CCDC88C: variants seen among roughly 807,000 people sequenced by gnomAD.
CCDC88C encodes coiled-coil and HOOK domain protein 88C, also known as protein Daple.
CCDC88C carries 131 observed loss-of-function variants against 198.8 expected under a neutral mutation model. That is an observed-to-expected ratio of 0.66 (90% CI 0.57 to 0.76). The LOEUF is 0.76. Among genes scored for constraint, CCDC88C ranks in the 30% least tolerant of loss-of-function variants. The pLI, the probability that CCDC88C is intolerant of heterozygous loss-of-function variation, is 0.00. For synonymous variants in CCDC88C, 1,166 were observed against 1,114.7 expected (o/e 1.05, Z -0.92); for missense variants, 2,553 against 2,631.6 (o/e 0.97, Z 0.65).
At chr14:91,304,314 G>A (rs1445648082) in intron 19 of CCDC88C, among the ~76,000 whole-genome samples, 1 of 152,180 alleles carries the variant, frequency 6.6e-6, no homozygotes, top group Non-Finnish European at 1.5e-5. Context: ...TGACTGTGGT[G>A]GCTCAGGCTT....
At chr14:91,275,546 C>T (rs1053943338) in intron 29 of CCDC88C, among the ~76,000 whole-genome samples, 12 of 151,358 alleles carry the variant, frequency 7.9e-5, no homozygotes, top group Admixed American at 2.0e-4. Flanking sequence ...GGCACAATCT[C>T]GGTTCACTGC....
chr14:91,326,291 G>A (rs545956422), intron 10 of CCDC88C, among the ~76,000 whole-genome samples: 1 of 152,072 alleles, frequency 6.6e-6, no homozygotes, highest in African/African-American at 2.4e-5. Flanking sequence ...TCAGCTCACT[G>A]CAACCTCCAC....
chr14:91,360,887 A>C (rs1894276332), intron 3 of CCDC88C, among the ~76,000 whole-genome samples: 1 of 152,142 alleles, frequency 6.6e-6, no homozygotes, highest in Admixed American at 6.5e-5. Context: ...CACGGTGGAC[A>C]CGCTTGTAAT....
chr14:91,334,135 T>C (rs974916044), intron 10 of CCDC88C, among the ~76,000 whole-genome samples: 1 of 152,242 alleles, frequency 6.6e-6, no homozygotes, highest in Non-Finnish European at 1.5e-5. Context: ...TATCCATCAA[T>C]CTATCCATCT....
intron 10 of CCDC88C, among the ~76,000 whole-genome samples, chr14:91,327,908 C>T (rs1892645579): frequency 6.6e-6 from 1 of 152,218 alleles, no homozygotes. Context: ...CTGGAGTTGT[C>T]CCCTAGGAGA....
In CCDC88C at chr14:91,297,294, G is replaced by A. The variant is rs549709999; in HGVS notation, c.3966+11C>T. On this transcript the variant is annotated intron_variant, in intron 22 of 29. Coordinates refer to ENST00000389857, the MANE Select transcript of CCDC88C (RefSeq NM_001080414.4). Reference sequence around the variant, plus strand: ...CCCTGTCTCCCGAGGCTCCCCTGGCGCTGGCCTCACCTCACAGTGGTTGTC... The same window carrying A: ...CCCTGTCTCCCGAGGCTCCCCTGGCACTGGCCTCACCTCACAGTGGTTGTC... The A allele has an allele frequency of 9.1e-5, 147 of 1,610,896 alleles. 2 individuals carry two copies. The South Asian group carries it at 1.5e-3, about 16-fold the overall frequency.
chr14:91,273,873 A>C lies in CCDC88C; in HGVS notation c.5059-220T>G, dbSNP rs1312544789. Among the ~76,000 whole-genome samples, 2 of 152,170 alleles carry C rather than the reference A, an allele frequency of 1.3e-5. No homozygotes were observed. The highest frequency in any genetic ancestry group is 6.5e-5 in the Admixed American group (1 of 15,288). The stretch of plus-strand genomic sequence containing the variant: ...CATGGGACCACCAGGAAAGAACCCC[A>C]GATTCCCCCCAGGCAACCCCCTAAC... On this transcript the variant is annotated intron_variant, in intron 29 of 29. Transcript: ENST00000389857. The surrounding 1 kb of genome is among the most constrained non-coding windows in gnomAD (Gnocchi z 5.6).
At chr14:91,326,185 G>T in intron 10 of CCDC88C, 129 bp from the exon 11 acceptor site, 2 of 769,892 alleles carry the variant, frequency 2.6e-6, no homozygotes, top group Non-Finnish European at 4.0e-6. Context: ...GTCCGAGGCA[G>T]GAAGTTTTTC....
chr14:91,385,383 A>T (rs1596142253), intron 3 of CCDC88C, among the ~76,000 whole-genome samples: 1 of 151,190 alleles, frequency 6.6e-6, no homozygotes, highest in East Asian at 1.9e-4. Flanking sequence ...CGATTCTGAC[A>T]GACAGCAGCA....
chr14:91,293,345 T>C (rs1175997828), intron 23 of CCDC88C, among the ~76,000 whole-genome samples: 14 of 97,414 alleles, frequency 1.4e-4, no homozygotes, highest in Admixed American at 2.0e-4. Context: ...CTCACCTTCC[T>C]GTCCCCTCGC....
chr14:91,309,044 T>C lies in CCDC88C; in HGVS notation c.2865-552A>G, dbSNP rs571776341. On this transcript the variant is annotated intron_variant, in intron 16 of 29. Coordinates refer to ENST00000389857, the MANE Select transcript of CCDC88C (RefSeq NM_001080414.4). ...GCGTTCGAGACCAGTCTGGCCAACA[T>C]GGTGAAACCCCGTCTCTACTAAAAA... 1.7e-4 allele frequency among the ~76,000 whole-genome samples: 26 copies of C among 152,270 alleles called. No individual in the cohort carries two copies. In the South Asian group the frequency reaches 5.2e-3, roughly 30 times the overall value.
chr14:91,359,428 C>T (rs148147567), intron 4 of CCDC88C, among the ~76,000 whole-genome samples: 7 of 152,188 alleles, frequency 4.6e-5, no homozygotes, highest in South Asian at 4.1e-4. Context: ...TGAGCCACCG[C>T]GCCCGGCCTG....
At chr14:91,355,944 A>G (rs962160374) in intron 4 of CCDC88C, among the ~76,000 whole-genome samples, 1 of 152,150 alleles carries the variant, frequency 6.6e-6, no homozygotes, top group African/African-American at 2.4e-5. Flanking sequence ...AAGTTACCCC[A>G]AACTATAAAA....
Position 91,272,249 on chromosome 14 carries a change from T to G in CCDC88C, c.*376A>C. 1 of 192,094 alleles carries G rather than the reference T, an allele frequency of 5.2e-6. No individual in the cohort carries two copies. Among genetic ancestry groups the G allele is most frequent in the Non-Finnish European group, 1.1e-5 (1 of 92,608 alleles). The allele number at this position is 192,094 out of a possible 1,614,324, so 11.9% of individuals were successfully genotyped here. On this transcript the variant is annotated 3_prime_UTR_variant, in exon 30 of 30. Transcript: ENST00000389857. ...GAGCCTCGTAAGCCTGTTGTGTGAG[T>G]GTGTGTGTGCTTAACGGAGCTCAAC...
At position 91,321,307 on chromosome 14, in the gene CCDC88C, G is replaced by C. The variant is rs781195733; in HGVS notation, c.1343-3C>G. The C allele has an allele frequency of 6.4e-7, 1 of 1,552,050 alleles. No individual in the cohort carries two copies. The highest frequency in any genetic ancestry group is 2.0e-5 in the Admixed American group (1 of 51,166). On this transcript the variant is annotated splice_polypyrimidine_tract_variant and splice_region_variant and intron_variant, in intron 12 of 29. Coordinates refer to ENST00000389857, the MANE Select transcript of CCDC88C (RefSeq NM_001080414.4). Reference sequence around the variant, plus strand: ...AAACACAAACGACTTCCTGGAGGCTGAAGACAAAGTCCAGTCAGAGCCCAG... The same window carrying C: ...AAACACAAACGACTTCCTGGAGGCTCAAGACAAAGTCCAGTCAGAGCCCAG...
chr14:91,324,809 G>A lies in CCDC88C; in HGVS notation c.1312C>T (p.Gln438Ter). 2 of 1,612,894 alleles carry A rather than the reference G, an allele frequency of 1.2e-6. No homozygotes were observed. Among genetic ancestry groups the A allele is most frequent in the African/African-American group, 1.3e-5 (1 of 75,058 alleles). The change falls in exon 12 of 30, where the codon CAG becomes TAG. Residue 438 changes from glutamine to a stop codon, truncating the protein, a stop_gained. Transcript: ENST00000389857. LOFTEE classifies it high-confidence loss of function. ...GACAAGTCTGCGTTCTTGGACAGCT[G>A]CTCCAGCTCCCAGCCAAGGTGGGCA... ...ESAHLGWELE[Q>*]LSKNADLSDA... is the part of the protein sequence containing the mutation.
intron 3 of CCDC88C, among the ~76,000 whole-genome samples, chr14:91,373,584 A>C (rs1448600879): frequency 1.3e-5 from 2 of 152,216 alleles, no homozygotes; most frequent in South Asian, 2.1e-4. Flanking sequence ...AGGAGTTTGC[A>C]GCAAAAGATC....
chr14:91,411,806 T>C (rs2140018903), intron 2 of CCDC88C, among the ~76,000 whole-genome samples: 1 of 152,004 alleles, frequency 6.6e-6, no homozygotes, highest in Middle Eastern at 3.4e-3. Context: ...CCACTAAAAA[T>C]ACAAAAATTA....
chr14:91,291,218 A>G (rs1484331696), intron 23 of CCDC88C, 134 bp from the exon 24 acceptor site: 7 of 631,980 alleles, frequency 1.1e-5, no homozygotes, highest in Non-Finnish European at 2.0e-5. Flanking sequence ...GGTGCTCACC[A>G]CCGTCATGGT....
Sources: gnomAD v4.1 joint callset for allele counts (sites outside exome capture counted in the v4.1 genomes callset) on GRCh38, gnomAD v4.1.1 for gene constraint, Gnocchi (gnomAD v3.1) non-coding constraint, MANE v1.5 for transcripts, NCBI Gene and HGNC (gene_info 2026-07-23, HGNC 2026-07-21) for gene names.